Variants in RIMS2 observed in about 807,000 individuals in gnomAD.
The protein encoded by RIMS2 is regulating synaptic membrane exocytosis 2, also known as regulating synaptic membrane exocytosis protein 2.
RIMS2 carries 59 observed loss-of-function variants against 174.4 expected under a neutral mutation model. That is an observed-to-expected ratio of 0.34 (90% CI 0.27 to 0.42). The LOEUF (loss-of-function observed/expected upper bound fraction) is 0.42. Among genes scored for constraint, RIMS2 ranks in the 10% least tolerant of loss-of-function variants. RIMS2 has a pLI of 1.00. For missense variants in RIMS2, 1,620 were observed against 1,666.3 expected (o/e 0.97, Z 0.48); for synonymous variants, 606 against 572.5 (o/e 1.06, Z -0.84).
chr8:103,596,901 A>G (rs1308721668), intron 1 of RIMS2, among the ~76,000 whole-genome samples: 1 of 152,120 alleles, frequency 6.6e-6, no homozygotes, highest in Non-Finnish European at 1.5e-5. Flanking sequence ...GCTCTATTGG[A>G]AATAATTTAT....
At chr8:103,595,308 A>G (rs780261897) in intron 1 of RIMS2, among the ~76,000 whole-genome samples, 4 of 151,880 alleles carry the variant, frequency 2.6e-5, no homozygotes, top group African/African-American at 4.8e-5. Flanking sequence ...TAGTTTATGT[A>G]TATTTTCTTA....
chr8:103,913,050 G>A (rs2076009272), intron 6 of RIMS2, among the ~76,000 whole-genome samples: 1 of 143,670 alleles, frequency 7.0e-6, no homozygotes, highest in African/African-American at 2.6e-5. Flanking sequence ...TCGGGTCACT[G>A]CAACCTTCGC....
intron 2 of RIMS2, among the ~76,000 whole-genome samples, chr8:103,699,171 T>C (rs1450597004): frequency 1.3e-5 from 2 of 152,224 alleles, no homozygotes; most frequent in Non-Finnish European, 2.9e-5. Context: ...ATCCATGGAA[T>C]CTGCATTGAT....
chr8:104,059,922 A>C (rs1331353453), intron 19 of RIMS2, among the ~76,000 whole-genome samples: 1 of 152,134 alleles, frequency 6.6e-6, no homozygotes, highest in Non-Finnish European at 1.5e-5. Context: ...GATGAATCCC[A>C]CTTGGTCATG....
intron 19 of RIMS2, among the ~76,000 whole-genome samples, chr8:104,075,863 C>G (rs1422535586): frequency 6.6e-6 from 1 of 152,152 alleles, no homozygotes; most frequent in Non-Finnish European, 1.5e-5. Context: ...TACTCCCCAC[C>G]TCTCCACCAG....
At chr8:104,148,149 A>G (rs942523750) in intron 19 of RIMS2, among the ~76,000 whole-genome samples, 3 of 151,042 alleles carry the variant, frequency 2.0e-5, no homozygotes, top group South Asian at 2.1e-4. Context: ...CACTCTTGAA[A>G]TGGATATTAT....
chr8:104,068,962 T>A (rs2097150905), intron 19 of RIMS2, among the ~76,000 whole-genome samples: 1 of 152,202 alleles, frequency 6.6e-6, no homozygotes, highest in African/African-American at 2.4e-5. Flanking sequence ...TTTAATGGAA[T>A]CTGGTTTATT....
chr8:104,140,391 C>G (rs1197397688), intron 19 of RIMS2, among the ~76,000 whole-genome samples: 4 of 152,098 alleles, frequency 2.6e-5, no homozygotes, highest in African/African-American at 9.7e-5. Flanking sequence ...GTACTTATAA[C>G]TTTTGCTAAT....
At chr8:103,814,085 T>C (rs992474861) in intron 3 of RIMS2, among the ~76,000 whole-genome samples, 4 of 152,178 alleles carry the variant, frequency 2.6e-5, no homozygotes, top group African/African-American at 9.7e-5. Context: ...AACAAGATTA[T>C]GTTTTTTTGC....
chr8:103,669,087 T>G (rs1397054989), intron 1 of RIMS2, among the ~76,000 whole-genome samples: 1 of 152,146 alleles, frequency 6.6e-6, no homozygotes, highest in East Asian at 1.9e-4. Context: ...TTTAATGGAC[T>G]CATAGTTTGA....
intron 19 of RIMS2, among the ~76,000 whole-genome samples, chr8:104,184,279 C>T (rs1474164815): frequency 1.3e-5 from 2 of 151,584 alleles, no homozygotes; most frequent in Admixed American, 1.3e-4. Flanking sequence ...CCACACTCTA[C>T]TTAGTTTGCT....
intron 17 of RIMS2, among the ~76,000 whole-genome samples, chr8:103,991,084 G>A (rs981938324): frequency 6.6e-6 from 1 of 151,586 alleles, no homozygotes; most frequent in Non-Finnish European, 1.5e-5. Flanking sequence ...CCTACAATGT[G>A]CATTTTTATG....
intron 3 of RIMS2, among the ~76,000 whole-genome samples, chr8:103,816,741 T>C (rs2154469706): frequency 6.6e-6 from 1 of 152,266 alleles, no homozygotes; most frequent in East Asian, 1.9e-4. Flanking sequence ...TGTAGTATAG[T>C]GAGAGCTGGA....
intron 13 of RIMS2, among the ~76,000 whole-genome samples, chr8:103,940,833 G>A (rs1469643154): frequency 1.4e-5 from 2 of 148,132 alleles, no homozygotes; most frequent in South Asian, 2.1e-4. Context: ...CCAGGATCGT[G>A]CCACTGCACT....
chr8:103,764,654 TA>T (rs2140210961), intron 2 of RIMS2, among the ~76,000 whole-genome samples: 1 of 152,248 alleles, frequency 6.6e-6, no homozygotes, highest in African/African-American at 2.4e-5. Context: ...AAAATACTTA[TA>T]AAAATAAAAT....
At chr8:103,989,381 C>T (rs1394568294) in exon 17 of RIMS2, 2 of 1,611,908 alleles carry the variant, frequency 1.2e-6, no homozygotes, top group South Asian at 1.1e-5. Context: ...AATGGACAGA[C>T]ATCGTGTCAT....
chr8:103,721,111 G>T (rs953999935), intron 2 of RIMS2, among the ~76,000 whole-genome samples: 1 of 152,068 alleles, frequency 6.6e-6, no homozygotes, highest in Non-Finnish European at 1.5e-5. Context: ...TACAAGATCT[G>T]GTTGTTTAAA....
chr8:103,881,294 T>C (rs1230203027), intron 3 of RIMS2, among the ~76,000 whole-genome samples: 3 of 151,584 alleles, frequency 2.0e-5, no homozygotes, highest in Non-Finnish European at 4.4e-5. Context: ...AATTTTTCAC[T>C]GTTTATAAAT....
intron 1 of RIMS2, among the ~76,000 whole-genome samples, chr8:103,660,052 A>G (rs2096579255): frequency 6.6e-6 from 1 of 152,258 alleles, no homozygotes; most frequent in African/African-American, 2.4e-5. Flanking sequence ...TCCTTCTGCA[A>G]TTGCTCCCTG....
Sources: gnomAD v4.1 joint callset for allele counts (sites outside exome capture counted in the v4.1 genomes callset) on GRCh38, gnomAD v4.1.1 for gene constraint, MANE v1.5 for transcripts, NCBI Gene and HGNC (gene_info 2026-07-23, HGNC 2026-07-21) for gene names.